Variants in PTPRT observed in about 807,000 individuals in gnomAD.
The protein encoded by PTPRT is receptor-type tyrosine-protein phosphatase T.
Under a neutral mutation model 176.8 loss-of-function variants are expected in PTPRT, and 56 were observed. That is an observed-to-expected ratio of 0.32 (90% CI 0.26 to 0.40). The LOEUF is 0.40. PTPRT is among the 10% of genes least tolerant of loss of function. The pLI, the probability that PTPRT is intolerant of heterozygous loss-of-function variation, is 1.00. For synonymous variants in PTPRT, 783 were observed against 739.0 expected (o/e 1.06, Z -0.96); for missense variants, 1,540 against 1,908.2 (o/e 0.81, Z 3.60).
chr20:43,064,010 C>T lies in PTPRT; in HGVS notation c.88+125636G>A, dbSNP rs1987577303. On this transcript the variant is annotated intron_variant, in intron 1 of 30. Coordinates refer to ENST00000373187, the MANE Select transcript of PTPRT (RefSeq NM_007050.6). ...TCCTTATATTTACCCGTGGACTTTC[C>T]ATGAGACCCAAACAACTTTTCTTAA... Among the ~76,000 whole-genome samples the T allele has an allele frequency of 5.3e-5, 8 of 152,168 alleles. No individual in the cohort carries two copies. The South Asian group carries it at 1.0e-3, about 20-fold the overall frequency.
intron 6 of PTPRT, among the ~76,000 whole-genome samples, chr20:42,712,699 C>G (rs1023109514): frequency 2.0e-5 from 3 of 152,148 alleles, no homozygotes; most frequent in Admixed American, 1.3e-4. Flanking sequence ...AGCTGATAGG[C>G]CTATAAATTG....
At chr20:42,716,904 G>A (rs546197093) in intron 6 of PTPRT, among the ~76,000 whole-genome samples, 4 of 152,210 alleles carry the variant, frequency 2.6e-5, no homozygotes, top group South Asian at 4.2e-4. Flanking sequence ...GATGAAGCAG[G>A]AAACCATCAT....
chr20:42,764,220 A>C (rs1026500875), intron 5 of PTPRT, among the ~76,000 whole-genome samples: 1 of 152,198 alleles, frequency 6.6e-6, no homozygotes, highest in African/African-American at 2.4e-5. Flanking sequence ...TGAGGAAAGC[A>C]CTGGGGACAT....
intron 1 of PTPRT, among the ~76,000 whole-genome samples, chr20:43,045,203 T>C (rs1986783015): frequency 6.6e-6 from 1 of 152,140 alleles, no homozygotes. Context: ...GTCCAAAGGG[T>C]AGAGGATTTG....
chr20:42,612,492 T>A (rs193095231), intron 7 of PTPRT, among the ~76,000 whole-genome samples: 1 of 152,172 alleles, frequency 6.6e-6, no homozygotes, highest in African/African-American at 2.4e-5. Context: ...AAGCCCATTT[T>A]CCATGCAGCC....
At chr20:42,807,534 A>G (rs1163118819) in intron 2 of PTPRT, among the ~76,000 whole-genome samples, 1 of 152,050 alleles carries the variant, frequency 6.6e-6, no homozygotes, top group Non-Finnish European at 1.5e-5. Flanking sequence ...CCAATGCTTT[A>G]TCTACTTCTT....
chr20:43,171,960 G>T (rs1244381540), intron 1 of PTPRT, among the ~76,000 whole-genome samples: 5 of 152,218 alleles, frequency 3.3e-5, no homozygotes, highest in African/African-American at 9.7e-5. Context: ...GAATGCAAAA[G>T]AGTCGAGGTC....
Position 43,016,967 on chromosome 20 carries a change from T to C in PTPRT, c.89-131035A>G, listed in dbSNP as rs570878102. ...TTTCAGGGCAGGGACTAGGGTGAGG[T>C]TGGGGTGGTACTTGACCCAGGCACA... On this transcript the variant is annotated intron_variant, in intron 1 of 30. Transcript: ENST00000373187. Among the ~76,000 whole-genome samples the C allele has an allele frequency of 3.7e-4, 56 of 152,246 alleles. No individual in the cohort carries two copies. In the South Asian group the frequency reaches 9.6e-3, roughly 26 times the overall value.
rs1243578680 is a variant in PTPRT, at chr20:42,078,179, A to G, written c.*2700T>C. The G allele has an allele frequency of 1.6e-5, 3 of 192,508 alleles. No homozygotes were observed. In the South Asian group the frequency reaches 5.9e-4, roughly 38 times the overall value. The allele number at this position is 192,508 out of a possible 1,614,324, so 11.9% of individuals were successfully genotyped here. A position where few individuals can be genotyped will look rare whatever the true frequency, so the allele number is the denominator to read the frequency against. ...CTCATCAAAGGAAAAGAGCAAGTTC[A>G]TCGTGGGGTTCCTTTGCTTGCCTTT... On this transcript the variant is annotated 3_prime_UTR_variant, in exon 31 of 31. Transcript: ENST00000373187.
At chr20:42,558,406 T>A (rs1037214280) in intron 7 of PTPRT, among the ~76,000 whole-genome samples, 1 of 152,162 alleles carries the variant, frequency 6.6e-6, no homozygotes, top group Non-Finnish European at 1.5e-5. Flanking sequence ...GTTTTTGCTA[T>A]CGTGAATAGT....
At chr20:42,094,519 C>T (rs1348887867) in intron 27 of PTPRT, among the ~76,000 whole-genome samples, 1 of 152,096 alleles carries the variant, frequency 6.6e-6, no homozygotes, top group Non-Finnish European at 1.5e-5. Context: ...ATCTCCTGGG[C>T]TCAAGTGATC....
At chr20:42,712,974 G>T (rs964688771) in intron 6 of PTPRT, among the ~76,000 whole-genome samples, 3 of 152,058 alleles carry the variant, frequency 2.0e-5, no homozygotes, top group Non-Finnish European at 4.4e-5. Context: ...CTTTATGTCT[G>T]AATGCAGAAA....
chr20:42,679,777 C>T lies in PTPRT; in HGVS notation c.860-1618G>A, dbSNP rs1004854999. Among the ~76,000 whole-genome samples the T allele has an allele frequency of 2.6e-4, 39 of 152,118 alleles. 1 individual carries two copies. The highest frequency in any genetic ancestry group is 2.6e-3 in the Admixed American group (39 of 15,278). On this transcript the variant is annotated intron_variant, in intron 6 of 30. Coordinates refer to ENST00000373187, the MANE Select transcript of PTPRT (RefSeq NM_007050.6). ...TTGTCTTTAATATTTGCATAACAAT[C>T]CATCAGGTTATCACACTAACTATTC...
Position 42,976,410 on chromosome 20 carries a change from T to A in PTPRT, c.89-90478A>T, listed in dbSNP as rs1254053468. ...GTATAGTATGCATTTTTTATTTATT[T>A]TTTTTTTTTTATTGAGACAGAGTCT... On this transcript the variant is annotated intron_variant, in intron 1 of 30. Transcript: ENST00000373187. Among the ~76,000 whole-genome samples, 8 of 151,744 alleles carry A rather than the reference T, an allele frequency of 5.3e-5. No individual in the cohort carries two copies. In the South Asian group the frequency reaches 1.0e-3, roughly 20 times the overall value.
intron 7 of PTPRT, among the ~76,000 whole-genome samples, chr20:42,528,876 A>G (rs535350551): frequency 3.1e-4 from 47 of 152,310 alleles, no homozygotes; most frequent in Middle Eastern, 3.4e-3. Context: ...GGATAGTTTC[A>G]TTTTTAAAAT....
At chr20:42,196,754 G>GA (rs1284164133) in intron 16 of PTPRT, among the ~76,000 whole-genome samples, 1 of 152,020 alleles carries the variant, frequency 6.6e-6, no homozygotes, top group Admixed American at 6.5e-5. Context: ...TTGAAAATGG[G>GA]AAAAAAAGGA....
At chr20:42,469,020 T>A (rs2071147069) in intron 8 of PTPRT, among the ~76,000 whole-genome samples, 1 of 152,130 alleles carries the variant, frequency 6.6e-6, no homozygotes, top group South Asian at 2.1e-4. Context: ...AGAGGTTTCC[T>A]AGGGGAGCTG....
At chr20:42,976,105 T>A (rs930830596) in intron 1 of PTPRT, among the ~76,000 whole-genome samples, 5 of 152,118 alleles carry the variant, frequency 3.3e-5, no homozygotes, top group African/African-American at 1.2e-4. Context: ...CACAAATCAG[T>A]CTCCTGTCAA....
At chr20:42,744,464 C>G (rs969325842) in intron 6 of PTPRT, among the ~76,000 whole-genome samples, 3 of 152,164 alleles carry the variant, frequency 2.0e-5, no homozygotes, top group Non-Finnish European at 4.4e-5. Context: ...AGCCCAATAT[C>G]AGTGGGAAAG....
Sources: gnomAD v4.1 joint callset for allele counts (sites outside exome capture counted in the v4.1 genomes callset) on GRCh38, gnomAD v4.1.1 for gene constraint, MANE v1.5 for transcripts, NCBI Gene and HGNC (gene_info 2026-07-23, HGNC 2026-07-21) for gene names.